CTSL: variants seen among roughly 807,000 people sequenced by gnomAD.
CTSL encodes procathepsin L.
A neutral mutation model predicts 34.7 loss-of-function variants in CTSL; 23 were observed. That is an observed-to-expected ratio of 0.66 (90% confidence interval 0.48 to 0.94). The LOEUF is 0.94. Among genes scored for constraint, CTSL ranks in the 40% least tolerant of loss-of-function variants. The probability of loss-of-function intolerance (pLI) is 0.00; values close to 1 mark genes in which losing one functional copy is unlikely to be tolerated. For missense variants in CTSL, 361 were observed against 406.3 expected, an observed-to-expected ratio of 0.89 and a Z score of 0.96; for synonymous variants, 129 against 136.7, an observed-to-expected ratio of 0.94 and a Z score of 0.39.
Position 87,729,709 on chromosome 9 carries a change from A to T in CTSL, c.758A>T (p.His253Leu), listed in dbSNP as rs768072314. ...GPISVAIDAG[H>L]ESFLFYKEGI... ...ATTTCTGTTGCTATTGATGCAGGTC[A>T]TGAGTCCTTCCTGTTCTATAAAGAA... Residue 253 changes from histidine to leucine, a missense_variant, in exon 6 of 8, where the codon CAT (histidine) becomes CTT (leucine). Physicochemically the swap from His to Leu is moderately conservative, Grantham distance 99. Coordinates refer to ENST00000343150, the MANE Select transcript of CTSL (RefSeq NM_001912.5). The T allele has an allele frequency of 1.2e-6, 2 of 1,613,118 alleles. No individual in the cohort carries two copies. Among genetic ancestry groups the T allele is most frequent in the Admixed American group, 1.7e-5 (1 of 59,766 alleles).
intron 4 of CTSL, 34 bp downstream of exon 4, chr9:87,728,430 C>T: frequency 6.3e-7 from 1 of 1,599,902 alleles, no homozygotes. Flanking sequence ...CTCCCATCTT[C>T]CCAGGAAAGC....
intron 7 of CTSL, 41 bp downstream of exon 7, chr9:87,730,539 A>G: frequency 1.4e-6 from 2 of 1,388,080 alleles, no homozygotes; most frequent in Non-Finnish European, 2.0e-6. Context: ...AATTCAAAAG[A>G]GAATACTTAT....
At position 87,726,182 on chromosome 9, in the gene CTSL, A is replaced by C. The variant is rs1194947637; in HGVS notation, c.-227A>C. On this transcript the variant is annotated 5_prime_UTR_variant, in exon 1 of 8. Coordinates refer to ENST00000343150, the MANE Select transcript of CTSL (RefSeq NM_001912.5). ...AGTGCGCCTGCGCAGCTACGACCGC[A>C]GCAGGAAAGCGCCGCCGGCCAGGCC... 1 of 152,426 alleles carries C rather than the reference A, an allele frequency of 6.6e-6. No individual in the cohort carries two copies. Among genetic ancestry groups the C allele is most frequent in the Non-Finnish European group, 1.5e-5 (1 of 68,196 alleles). 9.4% of individuals were successfully genotyped at this position (152,426 alleles called of 1,614,324 possible).
Position 87,727,640 on chromosome 9 carries a change from G to A in CTSL, c.37G>A (p.Gly13Arg). The A allele has an allele frequency of 1.9e-6, 3 of 1,614,014 alleles. No individual in the cohort carries two copies. Among genetic ancestry groups the A allele is most frequent in the Admixed American group, 1.7e-5 (1 of 59,980 alleles). ...ACTCATCCTTGCTGCCTTTTGCCTGGGAATTGCCTCAGCTACTCTAACATT... is the reference window on the plus strand; with the variant it reads ...ACTCATCCTTGCTGCCTTTTGCCTGAGAATTGCCTCAGCTACTCTAACATT... ...PTLILAAFCL[G>R]IASATLTFDH... The change falls in exon 2 of 8, where the codon GGA becomes AGA. Residue 13 changes from glycine to arginine, a missense_variant. Physicochemically the swap from Gly to Arg is moderately radical, Grantham distance 125. Transcript: ENST00000343150.
In CTSL at chr9:87,731,274, T is replaced by C; in HGVS notation, c.*167T>C. ...TTTTCACACTGGTAAATGTTACCTC[T>C]ATTTTAATTACTGCTATAAATAGGT... is the stretch of plus-strand genomic sequence containing the variant. On this transcript the variant is annotated 3_prime_UTR_variant, in exon 8 of 8. Coordinates refer to ENST00000343150, the MANE Select transcript of CTSL (RefSeq NM_001912.5). 6.2e-6 allele frequency: 3 copies of C among 484,128 alleles called. No homozygotes were observed. In the South Asian group the frequency reaches 1.6e-4, roughly 26 times the overall value. The allele number at this position is 484,128 out of a possible 1,614,324, so 30.0% of individuals were successfully genotyped here. A position where few individuals can be genotyped will look rare whatever the true frequency, so the allele number is the denominator to read the frequency against.
intron 5 of CTSL, chr9:87,729,046 G>A (rs1564090316): frequency 9.6e-6 from 11 of 1,150,106 alleles, no homozygotes; most frequent in South Asian, 3.5e-5. Flanking sequence ...AAAATTAGCC[G>A]GCTGTGGTGG....
At position 87,729,663 on chromosome 9, in the gene CTSL, G is replaced by A. The variant is rs1202340767; in HGVS notation, c.712G>A (p.Ala238Thr). ...TAAGCAGGAGAAGGCCCTGATGAAG[G>A]CAGTTGCAACTGTGGGGCCCATTTC... ...IPKQEKALMK[A>T]VATVGPISVA... The change falls in exon 6 of 8, where the codon GCA (alanine) becomes ACA (threonine). Residue 238 changes from alanine (A) to threonine (T), a missense_variant. By Grantham distance (58) the Ala-to-Thr change is moderately conservative (BLOSUM62 0). Transcript: ENST00000343150. The A allele has an allele frequency of 6.2e-7, 1 of 1,613,996 alleles. No individual in the cohort carries two copies. Among genetic ancestry groups the A allele is most frequent in the Non-Finnish European group, 8.5e-7 (1 of 1,180,000 alleles).
Position 87,728,792 on chromosome 9 carries a change from T to G in CTSL, c.604T>G (p.Tyr202Asp), listed in dbSNP as rs1258811408. ...TGGAGGCCTGGACTCTGAGGAATCCTATCCATATGAGGCAACAGTAAGTGG... is the reference window on the plus strand; with the variant it reads ...TGGAGGCCTGGACTCTGAGGAATCCGATCCATATGAGGCAACAGTAAGTGG... ...DNGGLDSEES[Y>D]PYEATEESCK... Residue 202 changes from tyrosine to aspartate, a missense_variant, in exon 5 of 8, where the codon TAT (tyrosine) becomes GAT (aspartate). Transcript: ENST00000343150. 6.2e-7 allele frequency: 1 copy of G among 1,614,102 alleles called. No homozygotes were observed. Among genetic ancestry groups the G allele is most frequent in the African/African-American group, 1.3e-5 (1 of 74,936 alleles).
chr9:87,731,095 C>G lies in CTSL; in HGVS notation c.990C>G (p.Tyr330Ter). Residue 330 changes from tyrosine (Y) to a stop codon, truncating the protein, a stop_gained, in exon 8 of 8, where the codon TAC (tyrosine) becomes TAG (stop). Transcript: ENST00000343150. LOFTEE classifies it high-confidence loss of function. ...NHCGIASAAS[Y>*]PTV is the part of the protein sequence containing the mutation. Reference sequence around the variant, plus strand: ...GTGGAATTGCCTCAGCAGCCAGCTACCCCACTGTGTGAGCTGGTGGACGGT... The same window carrying G: ...GTGGAATTGCCTCAGCAGCCAGCTAGCCCACTGTGTGAGCTGGTGGACGGT... 1 of 1,613,486 alleles carries G rather than the reference C, an allele frequency of 6.2e-7. No individual in the cohort carries two copies. Among genetic ancestry groups the G allele is most frequent in the East Asian group, 2.2e-5 (1 of 44,866 alleles).
rs1826252913 is a variant in CTSL at position 87,731,281 on chromosome 9, A to C, written c.*174A>C. 53 of 475,964 alleles carry C rather than the reference A, an allele frequency of 1.1e-4. No individual in the cohort carries two copies. In the East Asian group the frequency reaches 1.6e-3, roughly 14 times the overall value. The allele number at this position is 475,964 out of a possible 1,614,324, so 29.5% of individuals were successfully genotyped here. A position where few individuals can be genotyped will look rare whatever the true frequency, so the allele number is the denominator to read the frequency against. ...ACTGGTAAATGTTACCTCTATTTTA[A>C]TTACTGCTATAAATAGGTTTATATT... On this transcript the variant is annotated 3_prime_UTR_variant, in exon 8 of 8. Transcript: ENST00000343150.
chr9:87,731,098 C>A lies in CTSL; in HGVS notation c.993C>A (p.Pro331=). ...GAATTGCCTCAGCAGCCAGCTACCCCACTGTGTGAGCTGGTGGACGGTGAT... is the reference window on the plus strand; with the variant it reads ...GAATTGCCTCAGCAGCCAGCTACCCAACTGTGTGAGCTGGTGGACGGTGAT... ...HCGIASAASY[P]TV Residue 331 remains proline (P), a synonymous_variant, in exon 8 of 8, where the codon CCC becomes CCA. Coordinates refer to ENST00000343150, the MANE Select transcript of CTSL (RefSeq NM_001912.5). The A allele has an allele frequency of 1.2e-6, 2 of 1,613,652 alleles. No homozygotes were observed. The highest frequency in any genetic ancestry group is 1.1e-5 in the South Asian group (1 of 91,024).
intron 1 of CTSL, 134 bp from the exon 2 acceptor site, chr9:87,727,460 A>G (rs1826062033): frequency 6.3e-6 from 6 of 946,360 alleles, no homozygotes; most frequent in South Asian, 1.7e-5. Flanking sequence ...CCTCTTCCAC[A>G]GTCCTTGGGT....
intron 4 of CTSL, 25 bp from the exon 5 acceptor site, chr9:87,728,560 C>T: frequency 6.3e-7 from 1 of 1,592,924 alleles, no homozygotes; most frequent in South Asian, 1.1e-5. Flanking sequence ...TTGTGGATGA[C>T]AGCTTTTTTT....
rs769677719 is a variant in CTSL, at chr9:87,728,070, AGAT to A, written c.174_176del (p.Met58del). The A allele has an allele frequency of 5.6e-6, 9 of 1,613,998 alleles. No individual in the cohort carries two copies. The highest frequency in any genetic ancestry group is 7.6e-6 in the Non-Finnish European group (9 of 1,179,908). The stretch of plus-strand genomic sequence containing the variant: ...AGAGCAGTGTGGGAGAAGAACATGA[AGAT>A]GATTGAACTGCACAATCAGGAATAC... On this transcript the variant is annotated inframe_deletion, in exon 3 of 8. Coordinates refer to ENST00000343150, the MANE Select transcript of CTSL (RefSeq NM_001912.5).
rs754508768 is a variant in CTSL at position 87,728,573 on chromosome 9, T to A, written c.397-12T>A. On this transcript the variant is annotated splice_polypyrimidine_tract_variant and intron_variant, in intron 4 of 7. Coordinates refer to ENST00000343150, the MANE Select transcript of CTSL (RefSeq NM_001912.5). ...TTTTGTGGATGACAGCTTTTTTTAA[T>A]TCCCTTTTCAGGGTCAGTGTGGTTC... 4 of 1,598,252 alleles carry A rather than the reference T, an allele frequency of 2.5e-6. No homozygotes were observed. Among genetic ancestry groups the A allele is most frequent in the Admixed American group, 1.8e-5 (1 of 55,686 alleles).
intron 5 of CTSL, 167 bp downstream of exon 5, chr9:87,728,976 A>G (rs759654470): frequency 4.0e-5 from 57 of 1,442,144 alleles, no homozygotes; most frequent in Non-Finnish European, 4.8e-5. Flanking sequence ...GCTTAAGCTC[A>G]GGAGTTTGAG....
At chr9:87,729,069 G>C in intron 5 of CTSL, 1 of 945,390 alleles carries the variant, frequency 1.1e-6, no homozygotes, top group East Asian at 2.7e-5. Context: ...TGCGTCTGTG[G>C]TCCCAGCTAT....
intron 4 of CTSL, 62 bp downstream of exon 4, chr9:87,728,458 C>T: frequency 1.3e-6 from 2 of 1,583,202 alleles, no homozygotes; most frequent in Non-Finnish European, 1.7e-6. Context: ...TGATTGACAT[C>T]TTTGTTTTGG....
chr9:87,727,747 A>G lies in CTSL; in HGVS notation c.126+18A>G, dbSNP rs767810816. 1.6e-5 allele frequency: 26 copies of G among 1,613,876 alleles called. No homozygotes were observed. In the Admixed American group the frequency reaches 4.2e-4, roughly 26 times the overall value. ...ACGGCATGGTTAGTGAAACTTCCCC[A>G]GAAAGAATAGTCCTGGCTGTTGAGA... On this transcript the variant is annotated intron_variant, in intron 2 of 7. Transcript: ENST00000343150.
Sources: gnomAD v4.1 joint callset for allele counts on GRCh38, gnomAD v4.1.1 for gene constraint, MANE v1.5 for transcripts, NCBI Gene and HGNC (gene_info 2026-07-23, HGNC 2026-07-21) for gene names.